Variants in DCC observed in about 807,000 individuals in gnomAD.
DCC encodes the protein netrin receptor DCC.
Under a neutral mutation model 172.5 loss-of-function variants are expected in DCC, and 58 were observed. The observed-to-expected ratio is 0.34, with a 90% CI of 0.27 to 0.42. DCC has a LOEUF of 0.42. Ranked by LOEUF, DCC falls within the 10% of genes least tolerant of loss-of-function variation. The pLI is 1.00. For missense variants in DCC, 1,740 were observed against 1,791.0 expected, an observed-to-expected ratio of 0.97 and a Z score of 0.51; for synonymous variants, 709 against 644.5, an observed-to-expected ratio of 1.10 and a Z score of -1.52.
At chr18:52,452,955 A>C (rs1029045180) in intron 1 of DCC, among the ~76,000 whole-genome samples, 1 of 152,260 alleles carries the variant, frequency 6.6e-6, no homozygotes, top group African/African-American at 2.4e-5. Context: ...ATATAAAAAC[A>C]GAATTAGCAT....
intron 1 of DCC, among the ~76,000 whole-genome samples, chr18:52,586,082 CAAAAAAAAAAAAAA>C (rs5824949): frequency 2.7e-5 from 2 of 73,226 alleles, no homozygotes; most frequent in African/African-American, 1.1e-4. Flanking sequence ...GACTCCGTCT[CAAAAAAAAAAAAAA>C]AAAAAAAAAA....
At chr18:53,090,600 A>G (rs2042988532) in intron 7 of DCC, among the ~76,000 whole-genome samples, 1 of 148,682 alleles carries the variant, frequency 6.7e-6, no homozygotes, top group Non-Finnish European at 1.5e-5. Context: ...AGGCTGAGGC[A>G]GGAGAATGGC....
chr18:52,682,684 C>G (rs567159942), intron 1 of DCC, among the ~76,000 whole-genome samples: 56 of 152,026 alleles, frequency 3.7e-4, no homozygotes, highest in African/African-American at 1.3e-3. Context: ...ACGAAGCAGA[C>G]AAATATAAAA....
At chr18:52,922,243 G>A (rs1357228371) in intron 3 of DCC, among the ~76,000 whole-genome samples, 1 of 152,098 alleles carries the variant, frequency 6.6e-6, no homozygotes, top group African/African-American at 2.4e-5. Context: ...GAGAAAGTGT[G>A]AAATTTTATT....
chr18:52,583,084 T>TA (rs1046063033), intron 1 of DCC, among the ~76,000 whole-genome samples: 3 of 152,094 alleles, frequency 2.0e-5, no homozygotes, highest in African/African-American at 7.2e-5. Flanking sequence ...ACAATATCAT[T>TA]AAAAAAATGG....
chr18:53,152,939 C>T (rs978505807), intron 7 of DCC, among the ~76,000 whole-genome samples: 1 of 152,188 alleles, frequency 6.6e-6, no homozygotes, highest in African/African-American at 2.4e-5. Flanking sequence ...TTTGTGCCAT[C>T]TGAGTCTAGA....
intron 1 of DCC, among the ~76,000 whole-genome samples, chr18:52,447,217 T>C (rs2144508224): frequency 6.6e-6 from 1 of 152,320 alleles, no homozygotes; most frequent in Middle Eastern, 3.4e-3. Flanking sequence ...TAGTCGATAA[T>C]ACTCTCACTC....
chr18:53,313,057 G>GGGAA (rs1354321100), intron 13 of DCC, among the ~76,000 whole-genome samples: 1 of 147,408 alleles, frequency 6.8e-6, no homozygotes, highest in African/African-American at 2.5e-5. Flanking sequence ...AGGGAGGGAA[G>GGGAA]GAAAGGGTGG....
At chr18:53,467,787 T>C (rs1349962883) in intron 24 of DCC, 107 bp from the exon 25 acceptor site, 11 of 769,714 alleles carry the variant, frequency 1.4e-5, no homozygotes, top group Non-Finnish European at 1.4e-5. Flanking sequence ...GATACTATCA[T>C]AGAAAGCATC....
At chr18:52,431,154 C>T (rs1010852512) in intron 1 of DCC, among the ~76,000 whole-genome samples, 1 of 152,114 alleles carries the variant, frequency 6.6e-6, no homozygotes, top group Non-Finnish European at 1.5e-5. Context: ...TCCTTGGACA[C>T]TCACCCAAAT....
chr18:53,232,191 C>G (rs2056132485), intron 12 of DCC, among the ~76,000 whole-genome samples: 1 of 152,136 alleles, frequency 6.6e-6, no homozygotes, highest in Non-Finnish European at 1.5e-5. Flanking sequence ...GCCCCCCTCC[C>G]CCTTCTCTCC....
intron 1 of DCC, among the ~76,000 whole-genome samples, chr18:52,680,068 C>T (rs1480415637): frequency 1.3e-5 from 2 of 152,130 alleles, no homozygotes; most frequent in South Asian, 2.1e-4. Context: ...TTAGGCATCA[C>T]ATCAGGCTTA....
chr18:53,041,932 A>G (rs930356474), intron 5 of DCC, among the ~76,000 whole-genome samples: 2 of 152,094 alleles, frequency 1.3e-5, no homozygotes, highest in South Asian at 2.1e-4. Flanking sequence ...TTCTAAATAT[A>G]TAATCATGTC....
chr18:52,632,721 G>A (rs1291800569), intron 1 of DCC, among the ~76,000 whole-genome samples: 1 of 152,096 alleles, frequency 6.6e-6, no homozygotes, highest in African/African-American at 2.4e-5. Flanking sequence ...GCTCCTATTT[G>A]TTCTTCTGCT....
intron 7 of DCC, among the ~76,000 whole-genome samples, chr18:53,131,862 TA>T (rs1248722028): frequency 1.7e-4 from 25 of 150,552 alleles, no homozygotes; most frequent in Non-Finnish European, 3.1e-4. Context: ...GTCTTGGTCT[TA>T]AAAATAAATC....
At chr18:53,289,965 G>T (rs2056982275) in intron 12 of DCC, among the ~76,000 whole-genome samples, 1 of 152,134 alleles carries the variant, frequency 6.6e-6, no homozygotes, top group Non-Finnish European at 1.5e-5. Flanking sequence ...ATGAAAATCT[G>T]AGCAAATACC....
intron 2 of DCC, among the ~76,000 whole-genome samples, chr18:52,753,805 A>G (rs1186243027): frequency 1.3e-5 from 2 of 152,196 alleles, no homozygotes; most frequent in Non-Finnish European, 2.9e-5. Flanking sequence ...AAGGCAGCTC[A>G]TAATTATTTC....
chr18:52,729,024 T>A (rs931165124), intron 1 of DCC, among the ~76,000 whole-genome samples: 5 of 152,200 alleles, frequency 3.3e-5, no homozygotes, highest in Non-Finnish European at 5.9e-5. Context: ...GAAAATCGGA[T>A]TTTAACAATT....
At chr18:53,434,409 G>A (rs1047939891) in intron 21 of DCC, among the ~76,000 whole-genome samples, 1 of 151,994 alleles carries the variant, frequency 6.6e-6, no homozygotes, top group African/African-American at 2.4e-5. Flanking sequence ...GATTATCTGT[G>A]GTGAAACACC....
Sources: gnomAD v4.1 joint callset for allele counts (sites outside exome capture counted in the v4.1 genomes callset) on GRCh38, gnomAD v4.1.1 for gene constraint, MANE v1.5 for transcripts, NCBI Gene and HGNC (gene_info 2026-07-23, HGNC 2026-07-21) for gene names.